Variants in MGMT observed in about 807,000 individuals in gnomAD.
MGMT encodes the protein O-6-methylguanine-DNA methyltransferase, also known as methylated-DNA--protein-cysteine methyltransferase.
A neutral mutation model predicts 15.9 loss-of-function variants in MGMT; 14 were observed. The observed-to-expected ratio is 0.88, with a 90% CI of 0.58 to 1.37. MGMT has a LOEUF of 1.37. MGMT is among the 40% of genes most tolerant of loss of function. The probability of loss-of-function intolerance (pLI) is 0.00; values close to 1 mark genes in which losing one functional copy is unlikely to be tolerated. For missense variants in MGMT, 282 were observed against 268.1 expected (o/e 1.05, Z -0.36); for synonymous variants, 130 against 118.2 (o/e 1.10, Z -0.65).
At chr10:129,609,487 G>A (rs932029651) in intron 2 of MGMT, among the ~76,000 whole-genome samples, 2 of 152,248 alleles carry the variant, frequency 1.3e-5, no homozygotes, top group African/African-American at 4.8e-5. Context: ...GTGGAGGTTT[G>A]CTGGGGTAAC....
chr10:129,770,873 G>A lies in MGMT; in HGVS notation c.*3876G>A, dbSNP rs755286033. On this transcript the variant is annotated 3_prime_UTR_variant, in exon 5 of 5. Coordinates refer to ENST00000651593, the MANE Select transcript of MGMT (RefSeq NM_002412.5). The stretch of plus-strand genomic sequence containing the variant: ...TCCCCGGAAACAGTCCAAGGCCCTG[G>A]GGTGGGGGATTTAAATTTTTGGCTT... 2.1e-5 allele frequency among the ~76,000 whole-genome samples: 1 copy of A among 47,724 alleles called. No individual in the cohort carries two copies. Among genetic ancestry groups the A allele is most frequent in the Non-Finnish European group, 3.6e-5 (1 of 28,042 alleles). The allele number at this position is 47,724 out of a possible 152,430, so 31.3% of individuals were successfully genotyped here. A position where few individuals can be genotyped will look rare whatever the true frequency, so the allele number is the denominator to read the frequency against.
intron 1 of MGMT, among the ~76,000 whole-genome samples, chr10:129,468,055 G>A (rs933021868): frequency 2.3e-5 from 3 of 132,092 alleles, no homozygotes; most frequent in African/African-American, 3.2e-5. Flanking sequence ...ACAGGGAAGC[G>A]GCTTGGTCCA....
chr10:129,686,360 T>G (rs753274853), intron 2 of MGMT, among the ~76,000 whole-genome samples: 2 of 152,028 alleles, frequency 1.3e-5, no homozygotes, highest in South Asian at 2.1e-4. Flanking sequence ...CTTGTCTCTG[T>G]TTTTATTTAT....
chr10:129,569,504 C>T (rs1025234565), intron 2 of MGMT, among the ~76,000 whole-genome samples: 3 of 152,166 alleles, frequency 2.0e-5, no homozygotes, highest in Admixed American at 6.5e-5. Flanking sequence ...TTCCTCCCGA[C>T]GTGCTGGGAC....
At chr10:129,717,760 A>G (rs1179826047) in intron 3 of MGMT, 1 of 152,236 alleles carries the variant, frequency 6.6e-6, no homozygotes, top group East Asian at 1.9e-4. Context: ...CTCTGAGGAC[A>G]GTGAGCAGCA....
chr10:129,718,629 C>G (rs1298015036), intron 3 of MGMT, among the ~76,000 whole-genome samples: 1 of 152,242 alleles, frequency 6.6e-6, no homozygotes, highest in African/African-American at 2.4e-5. Context: ...CCTGCCCTTC[C>G]TTTGTCCTCT....
chr10:129,493,354 C>G, intron 1 of MGMT, among the ~76,000 whole-genome samples: 1 of 152,142 alleles, frequency 6.6e-6, no homozygotes, highest in East Asian at 1.9e-4. Context: ...TGATGCTGCC[C>G]ACTTTCCCTC....
At chr10:129,530,498 T>C (rs1390842764) in intron 1 of MGMT, among the ~76,000 whole-genome samples, 1 of 152,186 alleles carries the variant, frequency 6.6e-6, no homozygotes, top group Non-Finnish European at 1.5e-5. Context: ...AAGGCATTGG[T>C]TAAACGTCTC....
At chr10:129,540,733 T>C (rs1846034116) in intron 2 of MGMT, among the ~76,000 whole-genome samples, 1 of 152,272 alleles carries the variant, frequency 6.6e-6, no homozygotes, top group Non-Finnish European at 1.5e-5. Context: ...TTCTATTTTC[T>C]GAAAGAGTTA....
chr10:129,596,967 A>C (rs1443223960), intron 2 of MGMT, among the ~76,000 whole-genome samples: 1 of 152,072 alleles, frequency 6.6e-6, no homozygotes, highest in Non-Finnish European at 1.5e-5. Flanking sequence ...TGGTTGAGGA[A>C]GGGGCTTAGT....
intron 2 of MGMT, among the ~76,000 whole-genome samples, chr10:129,645,310 T>G (rs1359168782): frequency 6.6e-6 from 1 of 151,976 alleles, no homozygotes; most frequent in Non-Finnish European, 1.5e-5. Context: ...TTGGTAGAGA[T>G]GAGGTTTTAC....
chr10:129,606,630 A>G (rs943744099), intron 2 of MGMT, among the ~76,000 whole-genome samples: 1 of 152,246 alleles, frequency 6.6e-6, no homozygotes, highest in Non-Finnish European at 1.5e-5. Context: ...GTCATATTAA[A>G]TTTTGATGCT....
At chr10:129,705,785 C>A (rs911954416) in intron 2 of MGMT, among the ~76,000 whole-genome samples, 3 of 152,178 alleles carry the variant, frequency 2.0e-5, no homozygotes, top group African/African-American at 7.2e-5. Context: ...TAGCAACAGG[C>A]CCCATCCACA....
intron 2 of MGMT, among the ~76,000 whole-genome samples, chr10:129,577,210 A>C (rs2133043651): frequency 6.6e-6 from 1 of 152,366 alleles, no homozygotes; most frequent in South Asian, 2.1e-4. Context: ...GGAACCAAAA[A>C]AGAGCCCACA....
chr10:129,743,964 C>T (rs1223434330), intron 3 of MGMT, among the ~76,000 whole-genome samples: 1 of 152,188 alleles, frequency 6.6e-6, no homozygotes, highest in Non-Finnish European at 1.5e-5. Flanking sequence ...GCTGGCCATG[C>T]CTGGCTGGGA....
chr10:129,557,098 T>G (rs1054605060), intron 2 of MGMT, among the ~76,000 whole-genome samples: 1 of 152,228 alleles, frequency 6.6e-6, no homozygotes, highest in Non-Finnish European at 1.5e-5. Context: ...AATACAGATA[T>G]CCACCTCCTC....
chr10:129,764,338 G>A (rs1272190992), intron 4 of MGMT, among the ~76,000 whole-genome samples: 2 of 152,204 alleles, frequency 1.3e-5, no homozygotes, highest in African/African-American at 4.8e-5. Context: ...GGGGGGCTGG[G>A]GCTTCCCCCA....
intron 2 of MGMT, among the ~76,000 whole-genome samples, chr10:129,624,112 G>A (rs1847119858): frequency 6.6e-6 from 1 of 152,256 alleles, no homozygotes; most frequent in Admixed American, 6.5e-5. Flanking sequence ...GAATCTTCTT[G>A]CCCATCAGTT....
intron 2 of MGMT, among the ~76,000 whole-genome samples, chr10:129,574,231 G>T (rs1291204002): frequency 6.6e-6 from 1 of 152,176 alleles, no homozygotes; most frequent in Non-Finnish European, 1.5e-5. Flanking sequence ...CACTTTAAAA[G>T]ACCTTTTACG....
Sources: gnomAD v4.1 joint callset for allele counts (sites outside exome capture counted in the v4.1 genomes callset) on GRCh38, gnomAD v4.1.1 for gene constraint, MANE v1.5 for transcripts, NCBI Gene and HGNC (gene_info 2026-07-23, HGNC 2026-07-21) for gene names.